Variants in GRAMD1B observed in about 807,000 individuals in gnomAD.
GRAMD1B encodes GRAM domain containing 1B, also known as protein Aster-B.
In GRAMD1B, 37 loss-of-function variants were observed where a neutral mutation model predicts 99.7. That is an observed-to-expected ratio of 0.37 (90% confidence interval 0.29 to 0.49). The LOEUF (loss-of-function observed/expected upper bound fraction) is 0.49. GRAMD1B is among the 20% of genes least tolerant of loss of function. The pLI is 0.98. For synonymous variants in GRAMD1B, 427 were observed against 387.6 expected, an observed-to-expected ratio of 1.10 and a Z score of -1.19; for missense variants, 888 against 1,009.2, an observed-to-expected ratio of 0.88 and a Z score of 1.63.
At chr11:123,477,424 A>C (rs1951343459) in intron 1 of GRAMD1B, among the ~76,000 whole-genome samples, 1 of 150,794 alleles carries the variant, frequency 6.6e-6, no homozygotes, top group East Asian at 2.0e-4. Context: ...TCACTGGACT[A>C]GCTGTCTTGA....
chr11:123,395,910 A>T lies in GRAMD1B; in HGVS notation c.-176+37111A>T, dbSNP rs140989176. Among the ~76,000 whole-genome samples, 1,263 of 152,318 alleles carry T rather than the reference A, an allele frequency of 8.3e-3. 16 individuals carry two copies. Among genetic ancestry groups the T allele is most frequent in the African/African-American group, 0.029 (1,211 of 41,570 alleles). On this transcript the variant is annotated intron_variant, in intron 1 of 20. Transcript: ENST00000638157. ...TTAAAAATATTTTCTGTCTTGCAGA[A>T]CTGTTGGGAAACTCAAAGGAGGTAT...
At chr11:123,360,993 T>G (rs1455655713) in intron 1 of GRAMD1B, among the ~76,000 whole-genome samples, 1 of 152,002 alleles carries the variant, frequency 6.6e-6, no homozygotes, top group African/African-American at 2.4e-5. Context: ...ATTTTTTGTA[T>G]TTTTACTAGA....
intron 2 of GRAMD1B, among the ~76,000 whole-genome samples, chr11:123,570,345 C>T (rs1320743399): frequency 6.6e-6 from 1 of 152,050 alleles, no homozygotes; most frequent in South Asian, 2.1e-4. Flanking sequence ...AGCATCAACA[C>T]CTCTGAGGAA....
At chr11:123,509,683 A>G (rs755023396) in intron 2 of GRAMD1B, among the ~76,000 whole-genome samples, 2 of 152,238 alleles carry the variant, frequency 1.3e-5, no homozygotes, top group Non-Finnish European at 2.9e-5. Context: ...TCTCTTCCCA[A>G]CAGGGCTGGG....
intron 1 of GRAMD1B, among the ~76,000 whole-genome samples, chr11:123,386,175 G>A (rs1331506421): frequency 1.3e-5 from 2 of 152,108 alleles, no homozygotes; most frequent in African/African-American, 4.8e-5. Flanking sequence ...TTATAGGGCT[G>A]TTATGAAGAT....
At chr11:123,594,306 C>G in intron 5 of GRAMD1B, 140 bp downstream of exon 5, 1 of 670,056 alleles carries the variant, frequency 1.5e-6, no homozygotes, top group Admixed American at 2.4e-5. Context: ...AGACCCCTGG[C>G]CCCAGCTGTC....
intron 1 of GRAMD1B, chr11:123,454,728 C>T (rs953034524): frequency 2.0e-5 from 3 of 152,108 alleles, no homozygotes; most frequent in Admixed American, 6.5e-5. Flanking sequence ...AAATGAGTGA[C>T]AGTGGGTTAT....
chr11:123,513,594 C>CT (rs1364474460), intron 2 of GRAMD1B, among the ~76,000 whole-genome samples: 54 of 87,744 alleles, frequency 6.2e-4, no homozygotes, highest in African/African-American at 2.1e-3. Context: ...TCCTTCCTTC[C>CT]TTCCTTCCTT....
chr11:123,561,293 G>A (rs893726805), intron 2 of GRAMD1B, among the ~76,000 whole-genome samples: 1 of 152,164 alleles, frequency 6.6e-6, no homozygotes, highest in Non-Finnish European at 1.5e-5. Context: ...CTCCGGCGGG[G>A]GTAGGAGCTG....
At chr11:123,393,762 C>T (rs774093998) in intron 1 of GRAMD1B, among the ~76,000 whole-genome samples, 25 of 152,158 alleles carry the variant, frequency 1.6e-4, no homozygotes, top group Admixed American at 4.6e-4. Context: ...TACCCAGGTC[C>T]ACCCTCTTCA....
rs960183674 is a variant in GRAMD1B, at chr11:123,626,596, G to A, written c.*4001G>A. The A allele has an allele frequency of 4.6e-5, 7 of 152,064 alleles. No homozygotes were observed. Among genetic ancestry groups the A allele is most frequent in the African/African-American group, 1.7e-4 (7 of 41,430 alleles). 9.4% of individuals were successfully genotyped at this position (152,064 alleles called of 1,614,324 possible). A position where few individuals can be genotyped will look rare whatever the true frequency, so the allele number is the denominator to read the frequency against. ...AGCACTCTTCTCCCTTCCCCCAGATGGCAGGGCTCTGGCCTCCCTACACCT... is the reference window on the plus strand; with the variant it reads ...AGCACTCTTCTCCCTTCCCCCAGATAGCAGGGCTCTGGCCTCCCTACACCT... On this transcript the variant is annotated 3_prime_UTR_variant, in exon 20 of 20. Transcript: ENST00000635736.
chr11:123,575,842 G>A (rs912976283), intron 2 of GRAMD1B, among the ~76,000 whole-genome samples: 3 of 152,192 alleles, frequency 2.0e-5, no homozygotes, highest in African/African-American at 7.2e-5. Context: ...TTTGAAAGAG[G>A]CATCTTGGGC....
At chr11:123,362,333 T>C (rs1946171500) in intron 1 of GRAMD1B, among the ~76,000 whole-genome samples, 1 of 152,190 alleles carries the variant, frequency 6.6e-6, no homozygotes, top group African/African-American at 2.4e-5. Context: ...TGAGACCTTT[T>C]TGAGATCCTA....
At chr11:123,376,765 G>A (rs1946703565) in intron 1 of GRAMD1B, among the ~76,000 whole-genome samples, 1 of 152,136 alleles carries the variant, frequency 6.6e-6, no homozygotes, top group African/African-American at 2.4e-5. Flanking sequence ...TCTCAGATAA[G>A]GGATGTGGGA....
At chr11:123,436,929 G>A (rs2134230246) in intron 1 of GRAMD1B, among the ~76,000 whole-genome samples, 1 of 152,200 alleles carries the variant, frequency 6.6e-6, no homozygotes, top group East Asian at 1.9e-4. Context: ...ACAGGCCCTG[G>A]TGTGTGATGT....
At chr11:123,511,716 T>G (rs1941044511) in intron 2 of GRAMD1B, among the ~76,000 whole-genome samples, 1 of 152,072 alleles carries the variant, frequency 6.6e-6, no homozygotes, top group African/African-American at 2.4e-5. Context: ...CTGGAGCAGG[T>G]TGGGTATCCT....
chr11:123,483,766 G>C (rs1207540990), intron 2 of GRAMD1B, among the ~76,000 whole-genome samples: 2 of 152,278 alleles, frequency 1.3e-5, no homozygotes, highest in South Asian at 4.1e-4. Context: ...CTTCATAGGA[G>C]TGTTCAAGCA....
At chr11:123,358,989 A>G (rs1264911396) in intron 1 of GRAMD1B, among the ~76,000 whole-genome samples, 1 of 152,114 alleles carries the variant, frequency 6.6e-6, no homozygotes, top group Non-Finnish European at 1.5e-5. Context: ...AACATGGATT[A>G]TGGTTTGGCT....
chr11:123,405,551 T>G (rs976274895), intron 1 of GRAMD1B, among the ~76,000 whole-genome samples: 2 of 152,184 alleles, frequency 1.3e-5, no homozygotes, highest in African/African-American at 4.8e-5. Flanking sequence ...GATGCACTGT[T>G]GTGGTTACCC....
Sources: gnomAD v4.1 joint callset for allele counts (sites outside exome capture counted in the v4.1 genomes callset) on GRCh38, gnomAD v4.1.1 for gene constraint, MANE v1.5 for transcripts, NCBI Gene and HGNC (gene_info 2026-07-23, HGNC 2026-07-21) for gene names.